Variants in ESRRG observed in about 807,000 individuals in gnomAD.
ESRRG encodes the protein estrogen-related receptor gamma.
In ESRRG, 13 loss-of-function variants were observed where a neutral mutation model predicts 44.0. That is an observed-to-expected ratio of 0.30 (90% CI 0.19 to 0.47). The LOEUF (loss-of-function observed/expected upper bound fraction) is 0.47, where lower values mean the gene tolerates loss of function less well. Among genes scored for constraint, ESRRG ranks in the 20% least tolerant of loss-of-function variants. The pLI is 1.00. For missense variants in ESRRG, 395 were observed against 580.6 expected, an observed-to-expected ratio of 0.68 and a Z score of 3.29; for synonymous variants, 215 against 214.6, an observed-to-expected ratio of 1.00 and a Z score of -0.02.
intron 5 of ESRRG, among the ~76,000 whole-genome samples, chr1:216,538,041 C>T (rs1428678199): frequency 2.0e-5 from 3 of 152,046 alleles, no homozygotes; most frequent in Non-Finnish European, 2.9e-5. Context: ...ACAATCCAAA[C>T]ATATCTGAAA....
intron 1 of ESRRG, among the ~76,000 whole-genome samples, chr1:217,024,246 T>C (rs575158673): frequency 2.6e-5 from 4 of 151,918 alleles, no homozygotes; most frequent in African/African-American, 9.7e-5. Context: ...TAGTCCCAGC[T>C]ACTCGGGAGG....
intron 2 of ESRRG, among the ~76,000 whole-genome samples, chr1:216,670,845 C>A (rs918338256): frequency 2.6e-5 from 4 of 152,094 alleles, no homozygotes; most frequent in Admixed American, 6.5e-5. Context: ...GGCTATGAAC[C>A]AGCTCTCCTT....
At chr1:216,653,057 C>T (rs1442868886) in intron 2 of ESRRG, among the ~76,000 whole-genome samples, 1 of 152,206 alleles carries the variant, frequency 6.6e-6, no homozygotes, top group Non-Finnish European at 1.5e-5. Flanking sequence ...TTCATCACTT[C>T]CCTTATCAAG....
chr1:217,052,334 A>C lies in ESRRG; in HGVS notation c.-106+37173T>G, dbSNP rs535734375. 2.2e-4 allele frequency among the ~76,000 whole-genome samples: 33 copies of C among 152,316 alleles called. No individual in the cohort carries two copies. The South Asian group carries it at 5.8e-3, about 27-fold the overall frequency. ...TCAACTTTAAGATTTGGTGCAGAAA[A>C]TGATCTCCACATATCCAAAGGCACT... On this transcript the variant is annotated intron_variant, in intron 1 of 7. Transcript: ENST00000359162.
chr1:216,636,016 A>G (rs1416210083), intron 3 of ESRRG, among the ~76,000 whole-genome samples: 1 of 152,226 alleles, frequency 6.6e-6, no homozygotes, highest in Non-Finnish European at 1.5e-5. Flanking sequence ...TAAGCATTTT[A>G]AATACATTAC....
chr1:216,633,544 T>G (rs537915913), intron 3 of ESRRG, among the ~76,000 whole-genome samples: 1 of 152,324 alleles, frequency 6.6e-6, no homozygotes, highest in South Asian at 2.1e-4. Flanking sequence ...AGCACATAAG[T>G]GAAAGGAAAC....
intron 1 of ESRRG, among the ~76,000 whole-genome samples, chr1:216,971,873 T>G (rs2071750088): frequency 6.6e-6 from 1 of 152,188 alleles, no homozygotes; most frequent in African/African-American, 2.4e-5. Context: ...GATTATCTCT[T>G]TTCCTTCAGC....
chr1:216,690,659 A>G (rs1559245204), intron 1 of ESRRG, among the ~76,000 whole-genome samples: 1 of 152,164 alleles, frequency 6.6e-6, no homozygotes, highest in Non-Finnish European at 1.5e-5. Context: ...ATAACTATGC[A>G]TTACCAGAAG....
chr1:216,675,725 G>A (rs1370520218), intron 2 of ESRRG, among the ~76,000 whole-genome samples: 1 of 152,170 alleles, frequency 6.6e-6, no homozygotes, highest in Non-Finnish European at 1.5e-5. Context: ...ATGGGGCCTG[G>A]GAACTTGCAT....
intron 2 of ESRRG, among the ~76,000 whole-genome samples, chr1:216,891,441 T>G (rs1404643632): frequency 6.6e-6 from 1 of 152,080 alleles, no homozygotes; most frequent in Non-Finnish European, 1.5e-5. Context: ...GACGTGCATA[T>G]GCACACACGT....
At position 217,008,623 on chromosome 1, in the gene ESRRG, G is replaced by A. The variant is rs191423831; in HGVS notation, c.-105-68950C>T. Among the ~76,000 whole-genome samples the A allele has an allele frequency of 3.1e-3, 476 of 152,254 alleles. 2 individuals carry two copies. The highest frequency in any genetic ancestry group is 4.7e-3 in the Non-Finnish European group (317 of 68,028). ...ATATTGATAATGAATTAAACCCCAA[G>A]GGCAACACAGATATCTGTGACAAGT... On this transcript the variant is annotated intron_variant, in intron 1 of 7. Coordinates refer to the ESRRG transcript ENST00000359162.
intron 2 of ESRRG, among the ~76,000 whole-genome samples, chr1:216,749,947 T>C (rs2091843746): frequency 6.6e-6 from 1 of 152,218 alleles, no homozygotes; most frequent in Non-Finnish European, 1.5e-5. Flanking sequence ...GAGGAATATG[T>C]CTTATGTTAA....
At chr1:217,117,168 C>T (rs902185834) in intron 1 of ESRRG, among the ~76,000 whole-genome samples, 2 of 152,118 alleles carry the variant, frequency 1.3e-5, no homozygotes, top group African/African-American at 2.4e-5. Context: ...AACTATGGAA[C>T]CTTGAAAAGC....
intron 2 of ESRRG, among the ~76,000 whole-genome samples, chr1:216,653,392 A>G (rs1017679851): frequency 4.6e-5 from 7 of 152,204 alleles, no homozygotes; most frequent in Non-Finnish European, 7.3e-5. Flanking sequence ...TAAAAAATCA[A>G]TAGAATTATT....
At chr1:217,089,415 A>C (rs533758865) in intron 1 of ESRRG, 2 of 151,242 alleles carry the variant, frequency 1.3e-5, no homozygotes, top group Non-Finnish European at 2.9e-5. Context: ...AGGGGGTAGC[A>C]ATCTAGATTT....
At chr1:216,908,807 T>A (rs1310689103) in intron 2 of ESRRG, among the ~76,000 whole-genome samples, 2 of 148,116 alleles carry the variant, frequency 1.4e-5, no homozygotes, top group African/African-American at 2.5e-5. Flanking sequence ...TACAAGGCAA[T>A]GTGCCGTAGG....
chr1:216,677,568 A>T, intron 1 of ESRRG, 77 bp from the exon 2 acceptor site: 1 of 1,235,346 alleles, frequency 8.1e-7, no homozygotes. Flanking sequence ...GGTAGAAACA[A>T]AAGAGATGGT....
rs369791006 is a variant in ESRRG at position 216,677,386 on chromosome 1, G to C, written c.162C>G (p.Asn54Lys). The change falls in exon 2 of 7, where the codon AAC becomes AAG. Residue 54 changes from asparagine (N) to lysine (K), a missense_variant. This residue lies in a region of ESRRG where 148 missense variants were observed against 150.4 expected (regional missense o/e 0.98). Transcript: ENST00000408911. ...SSPASLTDSV[N>K]HHSPGGSSDA... is the part of the protein sequence containing the mutation. ...CTGAAGAGCCACCAGGGCTGTGGTGGTTGACGCTGTCCGTCAGGGAGGCTG... is the reference window on the plus strand; with the variant it reads ...CTGAAGAGCCACCAGGGCTGTGGTGCTTGACGCTGTCCGTCAGGGAGGCTG... 6.2e-7 allele frequency: 1 copy of C among 1,614,174 alleles called. No homozygotes were observed. The highest frequency in any genetic ancestry group is 2.2e-5 in the East Asian group (1 of 44,876).
intron 5 of ESRRG, among the ~76,000 whole-genome samples, chr1:216,526,939 C>T (rs1432736477): frequency 1.3e-5 from 2 of 152,106 alleles, no homozygotes; most frequent in Non-Finnish European, 2.9e-5. Flanking sequence ...AAAAAGTATT[C>T]CTGAAGGTTT....
Sources: gnomAD v4.1 joint callset for allele counts (sites outside exome capture counted in the v4.1 genomes callset) on GRCh38, gnomAD v4.1.1 for gene constraint, gnomAD v4.1.1 regional missense constraint, MANE v1.5 for transcripts, NCBI Gene and HGNC (gene_info 2026-07-23, HGNC 2026-07-21) for gene names.